Variants in RANBP9 observed in about 807,000 individuals in gnomAD.
RANBP9 encodes RAN binding protein 9, also known as ran-binding protein 9.
In RANBP9, 15 loss-of-function variants were observed where a neutral mutation model predicts 84.3. The observed-to-expected ratio is 0.18, with a 90% confidence interval of 0.12 to 0.27. The LOEUF (loss-of-function observed/expected upper bound fraction) is 0.27, where lower values mean the gene tolerates loss of function less well. Among genes scored for constraint, RANBP9 ranks in the 10% least tolerant of loss-of-function variants. The pLI, the probability that RANBP9 is intolerant of heterozygous loss-of-function variation, is 1.00. For missense variants in RANBP9, 809 were observed against 912.8 expected, an observed-to-expected ratio of 0.89 and a Z score of 1.46; for synonymous variants, 392 against 349.6, an observed-to-expected ratio of 1.12 and a Z score of -1.35.
chr6:13,677,088 A>G (rs575979889), intron 2 of RANBP9, among the ~76,000 whole-genome samples: 60 of 152,332 alleles, frequency 3.9e-4, no homozygotes, highest in African/African-American at 1.4e-3. Flanking sequence ...TGTAGCTGAA[A>G]AGATTGTTTA....
intron 2 of RANBP9, among the ~76,000 whole-genome samples, chr6:13,688,557 C>G (rs1211666628): frequency 6.6e-6 from 1 of 152,054 alleles, no homozygotes; most frequent in East Asian, 1.9e-4. Flanking sequence ...AAGTAGGTAC[C>G]CTTTCTCAGC....
intron 5 of RANBP9, among the ~76,000 whole-genome samples, chr6:13,651,482 C>T (rs1765296012): frequency 6.6e-6 from 1 of 151,970 alleles, no homozygotes; most frequent in African/African-American, 2.4e-5. Context: ...GCAAGCTCCG[C>T]CTCCTGGGTT....
intron 1 of RANBP9, among the ~76,000 whole-genome samples, chr6:13,697,867 G>A (rs1757878392): frequency 6.6e-6 from 1 of 152,158 alleles, no homozygotes; most frequent in Admixed American, 6.5e-5. Flanking sequence ...AGTTAAATAT[G>A]CTCCACGCAA....
intron 2 of RANBP9, among the ~76,000 whole-genome samples, chr6:13,664,917 A>C (rs958674899): frequency 2.0e-5 from 3 of 152,222 alleles, no homozygotes; most frequent in Non-Finnish European, 4.4e-5. Context: ...AGGATCAACA[A>C]ATAGATCAAT....
intron 13 of RANBP9, among the ~76,000 whole-genome samples, chr6:13,623,121 C>T (rs1401881896): frequency 6.6e-6 from 1 of 152,114 alleles, no homozygotes; most frequent in Admixed American, 6.6e-5. Context: ...TCCTGCATAT[C>T]ATAAGTTTCT....
At chr6:13,662,268 C>A (rs1765552056) in intron 2 of RANBP9, among the ~76,000 whole-genome samples, 1 of 152,130 alleles carries the variant, frequency 6.6e-6, no homozygotes, top group African/African-American at 2.4e-5. Flanking sequence ...CAAAAAATAT[C>A]CATGCTCAAA....
At chr6:13,668,914 G>A (rs1324193733) in intron 2 of RANBP9, among the ~76,000 whole-genome samples, 1 of 151,956 alleles carries the variant, frequency 6.6e-6, no homozygotes, top group Non-Finnish European at 1.5e-5. Flanking sequence ...AGACATAAAA[G>A]CCATCAGATC....
chr6:13,642,332 T>C (rs549121769), intron 7 of RANBP9, 147 bp downstream of exon 7: 43 of 333,090 alleles, frequency 1.3e-4, no homozygotes, highest in Non-Finnish European at 2.1e-4. Flanking sequence ...TCTTCAAAAA[T>C]GTCAGTGAAA....
chr6:13,626,555 C>A (rs1764611097), intron 12 of RANBP9, among the ~76,000 whole-genome samples: 1 of 152,180 alleles, frequency 6.6e-6, no homozygotes, highest in Non-Finnish European at 1.5e-5. Flanking sequence ...TCAGTTCATT[C>A]TAATCTTTCA....
At chr6:13,700,554 A>G (rs1345325453) in intron 1 of RANBP9, among the ~76,000 whole-genome samples, 1 of 152,086 alleles carries the variant, frequency 6.6e-6, no homozygotes, top group Non-Finnish European at 1.5e-5. Context: ...TTCTTTCTCT[A>G]ATCTCTCCAA....
At chr6:13,695,859 A>G (rs1163586774) in intron 2 of RANBP9, among the ~76,000 whole-genome samples, 1 of 152,144 alleles carries the variant, frequency 6.6e-6, no homozygotes, top group Non-Finnish European at 1.5e-5. Context: ...GAATACACTT[A>G]TTTGGTTAAT....
chr6:13,625,433 A>G (rs1408231121), intron 13 of RANBP9, among the ~76,000 whole-genome samples: 1 of 152,170 alleles, frequency 6.6e-6, no homozygotes, highest in Non-Finnish European at 1.5e-5. Flanking sequence ...TTTCCCAAAC[A>G]TCCCAAGTTG....
intron 5 of RANBP9, among the ~76,000 whole-genome samples, chr6:13,649,677 C>T (rs539256584): frequency 2.6e-5 from 4 of 152,258 alleles, no homozygotes; most frequent in Admixed American, 6.5e-5. Flanking sequence ...CCGACATTTT[C>T]ATCAGCATAC....
At chr6:13,669,254 C>T (rs1765720791) in intron 2 of RANBP9, among the ~76,000 whole-genome samples, 1 of 152,002 alleles carries the variant, frequency 6.6e-6, no homozygotes, top group Non-Finnish European at 1.5e-5. Context: ...CTCCCCATGC[C>T]ATATTCATGG....
intron 2 of RANBP9, among the ~76,000 whole-genome samples, chr6:13,687,138 T>C (rs914762990): frequency 2.0e-5 from 3 of 152,196 alleles, no homozygotes; most frequent in African/African-American, 7.2e-5. Context: ...TCTTTGTTTT[T>C]GTTACATTAC....
chr6:13,635,176 A>C (rs561587639), intron 10 of RANBP9, among the ~76,000 whole-genome samples: 5 of 152,362 alleles, frequency 3.3e-5, no homozygotes, highest in African/African-American at 1.2e-4. Flanking sequence ...GAGTGAACTC[A>C]CAGGCTATCT....
At chr6:13,649,716 A>G (rs983125131) in intron 5 of RANBP9, among the ~76,000 whole-genome samples, 2 of 151,676 alleles carry the variant, frequency 1.3e-5, no homozygotes, top group South Asian at 4.2e-4. Context: ...TTTTTTTTCT[A>G]CTGCCCCCAC....
At chr6:13,635,408 C>T (rs1764913468) in intron 10 of RANBP9, among the ~76,000 whole-genome samples, 1 of 151,878 alleles carries the variant, frequency 6.6e-6, no homozygotes, top group South Asian at 2.1e-4. Flanking sequence ...AATAATTATA[C>T]AATCTAGAAG....
Position 13,693,718 on chromosome 6 carries a change from A to G in RANBP9, c.683+3067T>C, listed in dbSNP as rs139965015. Among the ~76,000 whole-genome samples, 506 of 152,312 alleles carry G rather than the reference A, an allele frequency of 3.3e-3. 2 individuals are homozygous for G. Among genetic ancestry groups the G allele is most frequent in the African/African-American group, 0.012 (492 of 41,568 alleles). On this transcript the variant is annotated intron_variant, in intron 2 of 13. Transcript: ENST00000011619. ...AGGAACTTACTGTCTGGCTCAGGAG[A>G]AAAAAATGTATATATGAAAAACGTA...
Sources: gnomAD v4.1 joint callset for allele counts (sites outside exome capture counted in the v4.1 genomes callset) on GRCh38, gnomAD v4.1.1 for gene constraint, MANE v1.5 for transcripts, NCBI Gene and HGNC (gene_info 2026-07-23, HGNC 2026-07-21) for gene names.